Variants in GPC5 observed in about 807,000 individuals in gnomAD.
GPC5 encodes glypican 5.
Under a neutral mutation model 53.9 loss-of-function variants are expected in GPC5, and 47 were observed. The ratio of observed to expected loss-of-function variants is 0.87; its 90% CI spans 0.69 to 1.11. GPC5 has a LOEUF of 1.11. Among genes scored for constraint, GPC5 ranks in the 50% most tolerant of loss-of-function variants. The pLI is 0.00. For missense variants in GPC5, 748 were observed against 713.1 expected (o/e 1.05, Z -0.56); for synonymous variants, 286 against 263.3 (o/e 1.09, Z -0.84).
At chr13:91,913,480 A>T (rs1286156610) in intron 6 of GPC5, among the ~76,000 whole-genome samples, 3 of 151,896 alleles carry the variant, frequency 2.0e-5, no homozygotes, top group Non-Finnish European at 2.9e-5. Flanking sequence ...ATTTTATTTC[A>T]TCATTTAGGA....
chr13:91,856,457 TTGTTCATCGTA>T (rs1473872182), intron 5 of GPC5, among the ~76,000 whole-genome samples: 1 of 151,630 alleles, frequency 6.6e-6, no homozygotes, highest in African/African-American at 2.4e-5. Flanking sequence ...AGAGGTTGAG[TTGTTCATCGTA>T]TGTTCATCAA....
intron 2 of GPC5, among the ~76,000 whole-genome samples, chr13:91,592,443 G>T (rs1314934105): frequency 6.6e-6 from 1 of 152,174 alleles, no homozygotes; most frequent in Non-Finnish European, 1.5e-5. Flanking sequence ...GGTGTTCTGG[G>T]CTGGGGTGCT....
intron 6 of GPC5, among the ~76,000 whole-genome samples, chr13:92,009,909 T>C (rs1292630538): frequency 6.6e-6 from 1 of 152,202 alleles, no homozygotes; most frequent in Non-Finnish European, 1.5e-5. Context: ...TTTCCACTTA[T>C]TTATATCATG....
intron 7 of GPC5, among the ~76,000 whole-genome samples, chr13:92,571,867 C>T (rs1883033752): frequency 6.6e-6 from 1 of 152,012 alleles, no homozygotes; most frequent in African/African-American, 2.4e-5. Context: ...GGCGAGGTCC[C>T]ATATCTACAA....
chr13:92,515,162 A>G (rs576315051), intron 7 of GPC5, among the ~76,000 whole-genome samples: 1 of 152,350 alleles, frequency 6.6e-6, no homozygotes, highest in Admixed American at 6.5e-5. Context: ...TTAATTCACT[A>G]AAACTCATAA....
intron 7 of GPC5, among the ~76,000 whole-genome samples, chr13:92,600,777 G>T (rs1884025873): frequency 6.6e-6 from 1 of 151,886 alleles, no homozygotes; most frequent in South Asian, 2.1e-4. Context: ...AAAGTGCTGG[G>T]ATTACAGGTG....
At chr13:91,897,256 T>C (rs2039451998) in intron 5 of GPC5, among the ~76,000 whole-genome samples, 1 of 151,968 alleles carries the variant, frequency 6.6e-6, no homozygotes, top group South Asian at 2.1e-4. Context: ...TTACAAATCT[T>C]TTCAAACTTC....
chr13:91,777,958 C>T (rs939879601), intron 5 of GPC5, among the ~76,000 whole-genome samples: 27 of 152,066 alleles, frequency 1.8e-4, no homozygotes, highest in Admixed American at 6.6e-4. Context: ...TCTTGAGCAC[C>T]TCAGAAAGTC....
chr13:91,948,932 A>G (rs1211963904), intron 6 of GPC5, among the ~76,000 whole-genome samples: 3 of 152,184 alleles, frequency 2.0e-5, no homozygotes, highest in Non-Finnish European at 4.4e-5. Flanking sequence ...AGAGAGACAT[A>G]TGGTATGTCA....
chr13:92,316,474 C>CA (rs374188229), intron 7 of GPC5, among the ~76,000 whole-genome samples: 2 of 152,052 alleles, frequency 1.3e-5, no homozygotes, highest in Non-Finnish European at 2.9e-5. Context: ...ACTTTTTTGC[C>CA]ATGAAATGAT....
At chr13:92,754,900 T>C (rs1366507701) in intron 7 of GPC5, among the ~76,000 whole-genome samples, 3 of 148,510 alleles carry the variant, frequency 2.0e-5, no homozygotes, top group African/African-American at 4.9e-5. Flanking sequence ...AACACCCCAC[T>C]GTCAACATTA....
At chr13:91,419,991 A>G (rs987692230) in intron 1 of GPC5, among the ~76,000 whole-genome samples, 4 of 152,198 alleles carry the variant, frequency 2.6e-5, no homozygotes, top group African/African-American at 9.6e-5. Context: ...TTTAATGAAC[A>G]GGTGAGTGGT....
intron 7 of GPC5, among the ~76,000 whole-genome samples, chr13:92,313,484 G>C (rs916646723): frequency 1.3e-5 from 2 of 152,182 alleles, no homozygotes; most frequent in African/African-American, 4.8e-5. Context: ...AGAAATGAGA[G>C]AAATAATTAC....
intron 7 of GPC5, among the ~76,000 whole-genome samples, chr13:92,645,673 A>G (rs1885743783): frequency 6.6e-6 from 1 of 152,134 alleles, no homozygotes; most frequent in African/African-American, 2.4e-5. Context: ...TTGATTGTTC[A>G]TCCTTACCAG....
At position 92,284,500 on chromosome 13, in the gene GPC5, C is replaced by G. The variant is rs180726528; in HGVS notation, c.1561+139511C>G. ...CAATGCAAAAATCCTCAATAAAATG[C>G]TGACAAACCAAATCCAGCAGCACGT... On this transcript the variant is annotated intron_variant, in intron 7 of 7. Coordinates refer to ENST00000377067, the MANE Select transcript of GPC5 (RefSeq NM_004466.6). Among the ~76,000 whole-genome samples, 140 of 152,216 alleles carry G rather than the reference C, an allele frequency of 9.2e-4. 2 individuals are homozygous for G. Among genetic ancestry groups the G allele is most frequent in the Non-Finnish European group, 2.6e-4 (18 of 67,996 alleles).
At chr13:92,076,666 T>C (rs2041254733) in intron 6 of GPC5, among the ~76,000 whole-genome samples, 2 of 151,880 alleles carry the variant, frequency 1.3e-5, no homozygotes, top group African/African-American at 4.8e-5. Flanking sequence ...TTTTACCCTA[T>C]ATAGCATGAC....
At chr13:91,481,233 T>C (rs964377493) in intron 2 of GPC5, among the ~76,000 whole-genome samples, 3 of 152,160 alleles carry the variant, frequency 2.0e-5, no homozygotes, top group Non-Finnish European at 4.4e-5. Context: ...CCAAATCTCT[T>C]TGTAGTATTT....
intron 7 of GPC5, among the ~76,000 whole-genome samples, chr13:92,475,199 C>T (rs1295520094): frequency 6.6e-6 from 1 of 150,700 alleles, no homozygotes; most frequent in Non-Finnish European, 1.5e-5. Flanking sequence ...TTTTTTGGTT[C>T]CATATGAACT....
intron 7 of GPC5, among the ~76,000 whole-genome samples, chr13:92,231,371 G>T (rs1041848206): frequency 6.6e-6 from 1 of 151,918 alleles, no homozygotes; most frequent in African/African-American, 2.4e-5. Flanking sequence ...TCATTTATAC[G>T]GCCATTCAGT....
Sources: allele counts gnomAD v4.1 joint callset (sites outside exome capture counted in the v4.1 genomes callset), GRCh38; gene constraint gnomAD v4.1.1; transcripts MANE v1.5; gene names NCBI Gene and HGNC (gene_info 2026-07-23, HGNC 2026-07-21).